Variants in BCL2 observed in about 807,000 individuals in gnomAD.
BCL2 encodes BCL2 apoptosis regulator.
Under a neutral mutation model 14.2 loss-of-function variants are expected in BCL2, and 1 was observed. That is an observed-to-expected ratio of 0.07 (90% CI 0.02 to 0.33). The LOEUF (loss-of-function observed/expected upper bound fraction) is 0.33. Among genes scored for constraint, BCL2 ranks in the 10% least tolerant of loss-of-function variants. BCL2 has a pLI of 0.99. For synonymous variants in BCL2, 151 were observed against 137.2 expected (o/e 1.10, Z -0.70); for missense variants, 247 against 305.9 (o/e 0.81, Z 1.44).
chr18:63,312,646 T>C (rs1913365820), intron 2 of BCL2, among the ~76,000 whole-genome samples: 1 of 152,178 alleles, frequency 6.6e-6, no homozygotes, highest in Admixed American at 6.5e-5. Context: ...AGAACAGTAA[T>C]ATAACCTCAA....
Position 63,319,459 on chromosome 18 carries a change from A to G in BCL2, c.-572T>C. On this transcript the variant is annotated 5_prime_UTR_variant, in exon 1 of 3. Coordinates refer to ENST00000333681, the MANE Select transcript of BCL2 (RefSeq NM_000633.3). Reference sequence around the variant, plus strand: ...AGGCAGCGGCGGCGGCAGATGAATTACAATTTTCAGTCCGGTATTCGCAGA... The same window carrying G: ...AGGCAGCGGCGGCGGCAGATGAATTGCAATTTTCAGTCCGGTATTCGCAGA... 1 of 228,666 alleles carries G rather than the reference A, an allele frequency of 4.4e-6. No individual in the cohort carries two copies. The highest frequency in any genetic ancestry group is 8.7e-6 in the Non-Finnish European group (1 of 115,338). The allele number at this position is 228,666 out of a possible 1,614,324, so 14.2% of individuals were successfully genotyped here.
At chr18:63,133,580 C>T (rs1411196838) in intron 2 of BCL2, among the ~76,000 whole-genome samples, 1 of 151,980 alleles carries the variant, frequency 6.6e-6, no homozygotes, top group Non-Finnish European at 1.5e-5. Context: ...GAGCCACCAC[C>T]CCTGGTCCAC....
intron 2 of BCL2, among the ~76,000 whole-genome samples, chr18:63,222,273 CAA>C (rs35852603): frequency 1.2e-4 from 10 of 83,296 alleles, no homozygotes; most frequent in Non-Finnish European, 1.7e-4. Flanking sequence ...GACTCCACCT[CAA>C]AAAAAAAAAA....
intron 2 of BCL2, among the ~76,000 whole-genome samples, chr18:63,268,005 C>A (rs577513238): frequency 1.3e-5 from 2 of 152,356 alleles, no homozygotes; most frequent in East Asian, 3.9e-4. Flanking sequence ...CCCAGCTAAT[C>A]AGCGGCGATG....
chr18:63,294,066 C>T (rs1412684041), intron 2 of BCL2, among the ~76,000 whole-genome samples: 1 of 151,994 alleles, frequency 6.6e-6, no homozygotes, highest in Non-Finnish European at 1.5e-5. Context: ...AATAATTCAG[C>T]GCCTTATTTT....
chr18:63,152,190 C>G (rs1193005692), intron 2 of BCL2, among the ~76,000 whole-genome samples: 1 of 152,218 alleles, frequency 6.6e-6, no homozygotes, highest in East Asian at 1.9e-4. Context: ...CATAAATAGA[C>G]ATCAAGGAGT....
At chr18:63,295,333 C>T (rs1459882500) in intron 2 of BCL2, among the ~76,000 whole-genome samples, 1 of 152,146 alleles carries the variant, frequency 6.6e-6, no homozygotes, top group African/African-American at 2.4e-5. Flanking sequence ...CTAGACCCAA[C>T]TTGTGTCTGT....
chr18:63,138,564 G>C (rs1914271684), intron 2 of BCL2, among the ~76,000 whole-genome samples: 1 of 152,282 alleles, frequency 6.6e-6, no homozygotes, highest in Admixed American at 6.5e-5. Context: ...AGGCACGGGA[G>C]CGTGAGAAGC....
chr18:63,126,503 G>A lies in BCL2; in HGVS notation c.*2122C>T, dbSNP rs901580110. Reference sequence around the variant, plus strand: ...ATCCTGAATACCATGAATTAAATGCGGAATTGCCCAGGGACGAGGAAACCT... The same window carrying A: ...ATCCTGAATACCATGAATTAAATGCAGAATTGCCCAGGGACGAGGAAACCT... On this transcript the variant is annotated 3_prime_UTR_variant, in exon 3 of 3. Coordinates refer to ENST00000333681, the MANE Select transcript of BCL2 (RefSeq NM_000633.3). 3.1e-5 allele frequency: 7 copies of A among 228,396 alleles called. No homozygotes were observed. Among genetic ancestry groups the A allele is most frequent in the African/African-American group, 8.9e-5 (4 of 45,060 alleles). The allele number at this position is 228,396 out of a possible 1,614,324, so 14.1% of individuals were successfully genotyped here.
At chr18:63,212,214 T>A (rs960210511) in intron 2 of BCL2, among the ~76,000 whole-genome samples, 6 of 151,168 alleles carry the variant, frequency 4.0e-5, no homozygotes, top group Non-Finnish European at 1.5e-5. Flanking sequence ...TAGTCCCAGC[T>A]ACTCGGGAGG....
At chr18:63,264,922 G>A (rs992873342) in intron 2 of BCL2, among the ~76,000 whole-genome samples, 12 of 52 alleles carry the variant, frequency 0.23, no homozygotes, top group Non-Finnish European at 0.35. Context: ...TCTGTGGCAA[G>A]GGGCTGCAGG....
At chr18:63,283,710 A>C (rs1052176286) in intron 2 of BCL2, among the ~76,000 whole-genome samples, 3 of 152,146 alleles carry the variant, frequency 2.0e-5, no homozygotes, top group African/African-American at 7.2e-5. Flanking sequence ...CTATGTGGTG[A>C]AAAACTGGTT....
At chr18:63,133,319 A>ATTTTTTTTT (rs34022610) in intron 2 of BCL2, among the ~76,000 whole-genome samples, 1,728 of 103,308 alleles carry the variant, frequency 0.017, 100 homozygotes, top group Non-Finnish European at 0.024. Context: ...ACCTTCAAGA[A>ATTTTTTTTT]TTTTTTTTTT....
intron 2 of BCL2, among the ~76,000 whole-genome samples, chr18:63,146,168 T>C (rs1315976726): frequency 1.3e-5 from 2 of 152,226 alleles, no homozygotes; most frequent in Non-Finnish European, 2.9e-5. Flanking sequence ...ATTTGCCTGT[T>C]GTAGTCTAGG....
chr18:63,242,246 G>C (rs1192794252), intron 2 of BCL2, among the ~76,000 whole-genome samples: 1 of 152,220 alleles, frequency 6.6e-6, no homozygotes, highest in Non-Finnish European at 1.5e-5. Flanking sequence ...AAGGTGCCAT[G>C]AGGCAGTCAA....
At chr18:63,140,301 C>T (rs760786813) in intron 2 of BCL2, among the ~76,000 whole-genome samples, 6 of 152,124 alleles carry the variant, frequency 3.9e-5, no homozygotes, top group South Asian at 2.1e-4. Flanking sequence ...CCTAGTACAC[C>T]CAAAGGAATT....
At chr18:63,153,876 T>C (rs913631456) in intron 2 of BCL2, among the ~76,000 whole-genome samples, 3 of 152,200 alleles carry the variant, frequency 2.0e-5, no homozygotes, top group African/African-American at 7.2e-5. Flanking sequence ...TAGAAGACAA[T>C]GATGACTCTG....
chr18:63,214,769 GGCAC>G (rs1249169510), intron 2 of BCL2, among the ~76,000 whole-genome samples: 4 of 151,992 alleles, frequency 2.6e-5, no homozygotes, highest in African/African-American at 9.7e-5. Flanking sequence ...GGAGTGGAGT[GGCAC>G]GATCTTGGCT....
At chr18:63,134,632 G>C (rs993559026) in intron 2 of BCL2, among the ~76,000 whole-genome samples, 1 of 152,166 alleles carries the variant, frequency 6.6e-6, no homozygotes, top group Non-Finnish European at 1.5e-5. Context: ...TATGCATGCA[G>C]ACGTTATACA....
Sources: allele counts gnomAD v4.1 joint callset (sites outside exome capture counted in the v4.1 genomes callset), GRCh38; gene constraint gnomAD v4.1.1; transcripts MANE v1.5; gene names NCBI Gene and HGNC (gene_info 2026-07-23, HGNC 2026-07-21).